The following GXYLT2 variants were observed in gnomAD, a reference collection of about 807,000 sequenced individuals.
The protein encoded by GXYLT2 is glucoside xylosyltransferase 2, also known as glycosyltransferase 8 domain containing 4.
Under a neutral mutation model 45.8 loss-of-function variants are expected in GXYLT2, and 53 were observed. That is an observed-to-expected ratio of 1.16 (90% confidence interval 0.93 to 1.46). The LOEUF is 1.46. Ranked by LOEUF, GXYLT2 falls within the 40% of genes most tolerant of loss-of-function variation. GXYLT2 has a pLI of 0.00. For synonymous variants in GXYLT2, 219 were observed against 214.2 expected (o/e 1.02, Z -0.19); for missense variants, 551 against 544.4 (o/e 1.01, Z -0.12).
At chr3:72,912,337 A>C (rs958100756) in intron 2 of GXYLT2, among the ~76,000 whole-genome samples, 3 of 151,882 alleles carry the variant, frequency 2.0e-5, no homozygotes, top group Admixed American at 6.6e-5. Context: ...TTTTGTAGAG[A>C]TGCGGTCTCC....
At chr3:72,974,515 C>T (rs1711052894) in intron 6 of GXYLT2, among the ~76,000 whole-genome samples, 5 of 152,196 alleles carry the variant, frequency 3.3e-5, no homozygotes. Flanking sequence ...TTCTACTCAG[C>T]GTAAACATGC....
chr3:72,893,074 C>T (rs992253074), intron 1 of GXYLT2, among the ~76,000 whole-genome samples: 1 of 152,192 alleles, frequency 6.6e-6, no homozygotes, highest in East Asian at 1.9e-4. Context: ...GTCCATTTTC[C>T]TTACGGCCGC....
chr3:72,957,008 T>A (rs1710662939), intron 4 of GXYLT2, among the ~76,000 whole-genome samples: 1 of 147,118 alleles, frequency 6.8e-6, no homozygotes, highest in South Asian at 2.3e-4. Context: ...AGGTTCAACT[T>A]TCAGTCCCTG....
intron 3 of GXYLT2, chr3:72,929,141 G>A (rs959116391): frequency 6.0e-5 from 96 of 1,589,616 alleles, no homozygotes; most frequent in Admixed American, 8.3e-5. Flanking sequence ...CGCCTCCTAC[G>A]TTTACCTGTC....
At chr3:72,954,995 G>A in intron 3 of GXYLT2, 103 bp from the exon 4 acceptor site, 2 of 1,146,268 alleles carry the variant, frequency 1.7e-6, no homozygotes, top group Non-Finnish European at 2.5e-6. Flanking sequence ...AACAAAAGTT[G>A]GTAGCATTAT....
At chr3:72,889,097 G>A (rs1159296663) in intron 1 of GXYLT2, among the ~76,000 whole-genome samples, 1 of 152,168 alleles carries the variant, frequency 6.6e-6, no homozygotes, top group Non-Finnish European at 1.5e-5. Flanking sequence ...GCTCGAGTGT[G>A]GTCAAAGGGT....
Position 72,975,281 on chromosome 3 carries a change from A to G in GXYLT2, c.*122A>G. 1.5e-6 allele frequency: 1 copy of G among 673,548 alleles called. No individual in the cohort carries two copies. Among genetic ancestry groups the G allele is most frequent in the South Asian group, 4.7e-5 (1 of 21,308 alleles). 41.7% of individuals were successfully genotyped at this position (673,548 alleles called of 1,614,324 possible). ...GCTCCATGACTGTTGAGTTTTAAAA[A>G]CCTCGTTAAATTTTGCCAAATCAGT... On this transcript the variant is annotated 3_prime_UTR_variant, in exon 7 of 7. Coordinates refer to ENST00000389617, the MANE Select transcript of GXYLT2 (RefSeq NM_001080393.2).
At chr3:72,941,084 G>T (rs114954291) in intron 3 of GXYLT2, among the ~76,000 whole-genome samples, 420 of 152,258 alleles carry the variant, frequency 2.8e-3, no homozygotes, top group African/African-American at 8.0e-3. Context: ...AAAGACATTC[G>T]CATGCACCAG....
intron 1 of GXYLT2, among the ~76,000 whole-genome samples, chr3:72,899,413 A>G (rs973968793): frequency 5.9e-5 from 9 of 152,212 alleles, no homozygotes; most frequent in Admixed American, 4.6e-4. Context: ...TAACACCATG[A>G]CTTCAAGGCA....
intron 1 of GXYLT2, among the ~76,000 whole-genome samples, chr3:72,892,778 C>T (rs1022710658): frequency 5.3e-5 from 8 of 152,156 alleles, no homozygotes; most frequent in Admixed American, 2.6e-4. Context: ...CCCCAGAGCA[C>T]ATTAAAGGTG....
chr3:72,912,958 T>C (rs1405663439), intron 2 of GXYLT2, among the ~76,000 whole-genome samples: 2 of 152,156 alleles, frequency 1.3e-5, no homozygotes, highest in African/African-American at 4.8e-5. Flanking sequence ...TGCAGATAGT[T>C]GTGAAGTTGT....
At chr3:72,942,751 T>TA (rs765539351) in intron 3 of GXYLT2, among the ~76,000 whole-genome samples, 2,523 of 108,192 alleles carry the variant, frequency 0.023, 65 homozygotes, top group African/African-American at 0.07. Flanking sequence ...GTCCAGGTTA[T>TA]AAAAAAAAAA....
At chr3:72,965,421 T>C (rs1036486089) in intron 5 of GXYLT2, among the ~76,000 whole-genome samples, 9 of 152,152 alleles carry the variant, frequency 5.9e-5, no homozygotes, top group African/African-American at 1.9e-4. Flanking sequence ...GGTGGTGGTG[T>C]TACTGATTTG....
chr3:72,892,289 C>T (rs1709197773), intron 1 of GXYLT2, among the ~76,000 whole-genome samples: 1 of 152,188 alleles, frequency 6.6e-6, no homozygotes, highest in Admixed American at 6.5e-5. Flanking sequence ...CATTTATGGG[C>T]TCCATCCTAG....
intron 5 of GXYLT2, among the ~76,000 whole-genome samples, chr3:72,967,160 A>G (rs898989977): frequency 3.3e-5 from 5 of 152,246 alleles, no homozygotes; most frequent in African/African-American, 1.2e-4. Context: ...CATCAAAATA[A>G]GATAGAGGTT....
intron 1 of GXYLT2, among the ~76,000 whole-genome samples, chr3:72,893,102 T>A (rs1209786845): frequency 6.6e-6 from 1 of 152,152 alleles, no homozygotes; most frequent in Non-Finnish European, 1.5e-5. Flanking sequence ...ATCTGATAGG[T>A]AGACCAGATG....
rs901096720 is a variant in GXYLT2, at chr3:72,924,903, A to G, written c.600+2568A>G. On this transcript the variant is annotated intron_variant, in intron 3 of 6. Coordinates refer to ENST00000389617, the MANE Select transcript of GXYLT2 (RefSeq NM_001080393.2). ...ATGGCAGAATCATTTAGGGATAGAAAAGACAGGGAAAAGCAGTTTTGGTAA... is the reference window on the plus strand; with the variant it reads ...ATGGCAGAATCATTTAGGGATAGAAGAGACAGGGAAAAGCAGTTTTGGTAA... 3.3e-5 allele frequency among the ~76,000 whole-genome samples: 5 copies of G among 152,098 alleles called. No individual in the cohort carries two copies. In the East Asian group the frequency reaches 9.7e-4, roughly 29 times the overall value.
intron 3 of GXYLT2, among the ~76,000 whole-genome samples, chr3:72,931,524 C>T (rs758893804): frequency 1.3e-5 from 2 of 151,998 alleles, no homozygotes; most frequent in Non-Finnish European, 2.9e-5. Context: ...CCACCGCGCC[C>T]GGCCTAAGTA....
At chr3:72,906,251 G>A (rs1274457092) in intron 1 of GXYLT2, among the ~76,000 whole-genome samples, 1 of 152,094 alleles carries the variant, frequency 6.6e-6, no homozygotes. Context: ...TCCTCACTTT[G>A]TTCAGGAAGA....
Sources: allele counts gnomAD v4.1 joint callset (sites outside exome capture counted in the v4.1 genomes callset), GRCh38; gene constraint gnomAD v4.1.1; transcripts MANE v1.5; gene names NCBI Gene and HGNC (gene_info 2026-07-23, HGNC 2026-07-21).